Variants in KCNQ5 observed in about 807,000 individuals in gnomAD.
KCNQ5 encodes the protein potassium voltage-gated channel subfamily Q member 5, also known as potassium voltage-gated channel subfamily KQT member 5.
Under a neutral mutation model 98.2 loss-of-function variants are expected in KCNQ5, and 30 were observed. The observed-to-expected ratio is 0.31, with a 90% CI of 0.23 to 0.41. KCNQ5 has a LOEUF of 0.41. Ranked by LOEUF, KCNQ5 falls within the 10% of genes least tolerant of loss-of-function variation. The pLI is 1.00. For missense variants in KCNQ5, 835 were observed against 1,182.5 expected (o/e 0.71, Z 4.31); for synonymous variants, 458 against 449.4 (o/e 1.02, Z -0.24).
intron 1 of KCNQ5, among the ~76,000 whole-genome samples, chr6:72,792,035 GA>G (rs1202018149): frequency 6.6e-6 from 1 of 152,146 alleles, no homozygotes; most frequent in Non-Finnish European, 1.5e-5. Flanking sequence ...AACATATTGA[GA>G]CTCCCACAAA....
intron 1 of KCNQ5, among the ~76,000 whole-genome samples, chr6:72,749,291 G>A (rs1446117783): frequency 2.0e-5 from 3 of 152,066 alleles, no homozygotes; most frequent in Admixed American, 2.0e-4. Flanking sequence ...GCTAGTTAGA[G>A]TGATTTTTGG....
chr6:72,962,663 G>A (rs1767432088), intron 1 of KCNQ5, among the ~76,000 whole-genome samples: 1 of 152,132 alleles, frequency 6.6e-6, no homozygotes, highest in Non-Finnish European at 1.5e-5. Context: ...CTGAAATAAG[G>A]AGGAATTCAG....
At chr6:72,887,833 A>G (rs1421468910) in intron 1 of KCNQ5, among the ~76,000 whole-genome samples, 1 of 152,194 alleles carries the variant, frequency 6.6e-6, no homozygotes, top group Non-Finnish European at 1.5e-5. Flanking sequence ...TTAGCTTGAA[A>G]AGACGAAAAG....
At chr6:72,742,371 T>C (rs1771172194) in intron 1 of KCNQ5, among the ~76,000 whole-genome samples, 1 of 152,228 alleles carries the variant, frequency 6.6e-6, no homozygotes, top group Non-Finnish European at 1.5e-5. Context: ...TTTTCAAAGT[T>C]CATAAGGGTT....
At chr6:73,141,500 T>G (rs1776709212) in intron 10 of KCNQ5, among the ~76,000 whole-genome samples, 1 of 152,248 alleles carries the variant, frequency 6.6e-6, no homozygotes, top group Non-Finnish European at 1.5e-5. Context: ...CTTTGTATTA[T>G]AGAACAGGAT....
At chr6:73,097,158 T>TAC (rs1554208525) in intron 5 of KCNQ5, among the ~76,000 whole-genome samples, 11 of 147,000 alleles carry the variant, frequency 7.5e-5, no homozygotes, top group African/African-American at 2.7e-4. Context: ...TATATATATA[T>TAC]ACACACACAC....
chr6:72,878,433 C>T (rs1778508734), intron 1 of KCNQ5, among the ~76,000 whole-genome samples: 1 of 152,006 alleles, frequency 6.6e-6, no homozygotes, highest in African/African-American at 2.4e-5. Flanking sequence ...TTTTTTCCCC[C>T]CTTACAGAAC....
intron 3 of KCNQ5, among the ~76,000 whole-genome samples, chr6:73,065,864 C>T (rs1385800309): frequency 1.3e-5 from 2 of 152,170 alleles, no homozygotes; most frequent in Non-Finnish European, 2.9e-5. Context: ...ATACTAAAAA[C>T]GGCCGGGCTC....
intron 5 of KCNQ5, among the ~76,000 whole-genome samples, chr6:73,092,231 A>T (rs1376466824): frequency 6.6e-6 from 1 of 152,168 alleles, no homozygotes; most frequent in African/African-American, 2.4e-5. Flanking sequence ...TGAATTTTAT[A>T]TCCAGAAAGT....
In KCNQ5 at chr6:72,682,305, A is replaced by G. The variant is rs541602041; in HGVS notation, c.398+59718A>G. Reference sequence around the variant, plus strand: ...ATATCTATTGTATCACAACCAGCCAACTTCCCTGATTAACACTCCCTGCCT... The same window carrying G: ...ATATCTATTGTATCACAACCAGCCAGCTTCCCTGATTAACACTCCCTGCCT... On this transcript the variant is annotated intron_variant, in intron 1 of 13. Coordinates refer to ENST00000370398, the MANE Select transcript of KCNQ5 (RefSeq NM_019842.4). Among the ~76,000 whole-genome samples the G allele has an allele frequency of 9.9e-5, 15 of 152,208 alleles. No individual in the cohort carries two copies. The South Asian group carries it at 3.1e-3, about 32-fold the overall frequency.
intron 10 of KCNQ5, among the ~76,000 whole-genome samples, chr6:73,142,464 C>G (rs1189500491): frequency 6.6e-6 from 1 of 151,596 alleles, no homozygotes; most frequent in South Asian, 2.1e-4. Flanking sequence ...TCTGGTCTAA[C>G]CATTTTATGT....
intron 1 of KCNQ5, among the ~76,000 whole-genome samples, chr6:72,865,762 C>G (rs900244351): frequency 6.6e-6 from 1 of 152,172 alleles, no homozygotes; most frequent in African/African-American, 2.4e-5. Context: ...CATGTGTACC[C>G]CTCATCCAGG....
At chr6:73,167,863 C>T (rs1777862901) in intron 10 of KCNQ5, among the ~76,000 whole-genome samples, 1 of 152,122 alleles carries the variant, frequency 6.6e-6, no homozygotes, top group African/African-American at 2.4e-5. Flanking sequence ...TCTATAAGGT[C>T]GCTAATCCCA....
chr6:73,023,046 T>C (rs1232484844), intron 2 of KCNQ5, among the ~76,000 whole-genome samples: 1 of 152,128 alleles, frequency 6.6e-6, no homozygotes, highest in Non-Finnish European at 1.5e-5. Flanking sequence ...TCTTGAGGAA[T>C]AACTGGAATG....
chr6:72,778,563 T>C (rs931868206), intron 1 of KCNQ5, among the ~76,000 whole-genome samples: 5 of 150,694 alleles, frequency 3.3e-5, no homozygotes, highest in Non-Finnish European at 5.9e-5. Flanking sequence ...GAATATACTG[T>C]ATACTTGAAA....
At chr6:73,190,157 T>C (rs546493107) in intron 11 of KCNQ5, among the ~76,000 whole-genome samples, 1 of 152,318 alleles carries the variant, frequency 6.6e-6, no homozygotes, top group African/African-American at 2.4e-5. Flanking sequence ...CACATTTGTA[T>C]CTCAAAAATG....
At chr6:73,083,133 ATC>A (rs1251724947) in intron 5 of KCNQ5, among the ~76,000 whole-genome samples, 6 of 152,120 alleles carry the variant, frequency 3.9e-5, no homozygotes, top group Non-Finnish European at 8.8e-5. Context: ...GGTTCAAGCA[ATC>A]TGTCTGCCTT....
rs562115429 is a variant in KCNQ5 at position 73,037,599 on chromosome 6, T to A, written c.490-4337T>A. ...CTATAGATGTCCAATTTTTCCAGCATCATTTGTTGAGGGCCCTTCTTCCTC... is the reference window on the plus strand; with the variant it reads ...CTATAGATGTCCAATTTTTCCAGCAACATTTGTTGAGGGCCCTTCTTCCTC... On this transcript the variant is annotated intron_variant, in intron 2 of 13. Transcript: ENST00000370398. Among the ~76,000 whole-genome samples, 4 of 152,282 alleles carry A rather than the reference T, an allele frequency of 2.6e-5. No homozygotes were observed. In the South Asian group the frequency reaches 8.3e-4, roughly 32 times the overall value.
intron 1 of KCNQ5, among the ~76,000 whole-genome samples, chr6:72,801,855 G>A (rs1376054842): frequency 6.0e-5 from 9 of 150,718 alleles, no homozygotes; most frequent in Non-Finnish European, 7.5e-5. Context: ...TTGCTTGTCT[G>A]TAAAGTATTT....
Sources: allele counts gnomAD v4.1 joint callset (sites outside exome capture counted in the v4.1 genomes callset), GRCh38; gene constraint gnomAD v4.1.1; transcripts MANE v1.5; gene names NCBI Gene and HGNC (gene_info 2026-07-23, HGNC 2026-07-21).